Variants in SPATA13 observed in about 807,000 individuals in gnomAD.
SPATA13 encodes the protein spermatogenesis associated 13.
Under a neutral mutation model 104.0 loss-of-function variants are expected in SPATA13, and 50 were observed. The ratio of observed to expected loss-of-function variants is 0.48; its 90% confidence interval spans 0.38 to 0.61. The LOEUF (loss-of-function observed/expected upper bound fraction) is 0.61. SPATA13 is among the 20% of genes least tolerant of loss of function. The pLI, the probability that SPATA13 is intolerant of heterozygous loss-of-function variation, is 0.00. For missense variants in SPATA13, 1,524 were observed against 1,690.6 expected, an observed-to-expected ratio of 0.90 and a Z score of 1.73; for synonymous variants, 606 against 667.5, an observed-to-expected ratio of 0.91 and a Z score of 1.42.
chr13:24,126,422 G>C (rs1231942288), intron 3 of SPATA13, among the ~76,000 whole-genome samples: 3 of 152,194 alleles, frequency 2.0e-5, no homozygotes, highest in African/African-American at 7.2e-5. Context: ...GTAGATGTTG[G>C]ACTTGGGTAA....
chr13:23,999,082 T>C (rs540082450), intron 2 of SPATA13, among the ~76,000 whole-genome samples: 3 of 151,982 alleles, frequency 2.0e-5, no homozygotes, highest in South Asian at 4.1e-4. Context: ...CATGCCACCA[T>C]TTCAGGCTAA....
intron 3 of SPATA13, among the ~76,000 whole-genome samples, chr13:24,069,984 C>G (rs79022616): frequency 1.3e-5 from 2 of 152,134 alleles, no homozygotes; most frequent in East Asian, 3.9e-4. Context: ...TGTGGGAGTG[C>G]GGTAGAGGGG....
chr13:24,069,628 C>T (rs1050916556), intron 3 of SPATA13, among the ~76,000 whole-genome samples: 4 of 152,150 alleles, frequency 2.6e-5, no homozygotes, highest in Admixed American at 1.3e-4. Flanking sequence ...TGCCCGATTG[C>T]CCTGGCCAGG....
chr13:24,192,105 A>C (rs1179407228), intron 1 of SPATA13, among the ~76,000 whole-genome samples: 2 of 152,028 alleles, frequency 1.3e-5, no homozygotes. Context: ...CTGTGGCTCC[A>C]CCCTGGTTCC....
At chr13:24,113,392 C>T (rs978521663) in intron 3 of SPATA13, among the ~76,000 whole-genome samples, 3 of 151,844 alleles carry the variant, frequency 2.0e-5, no homozygotes, top group African/African-American at 7.3e-5. Context: ...CACTTGAGGT[C>T]AGGAGTTCAA....
In SPATA13 at chr13:24,302,854, A is replaced by T; in HGVS notation, c.*81A>T. 6.3e-7 allele frequency: 1 copy of T among 1,579,020 alleles called. No individual in the cohort carries two copies. The highest frequency in any genetic ancestry group is 8.7e-7 in the Non-Finnish European group (1 of 1,153,832). On this transcript the variant is annotated 3_prime_UTR_variant, in exon 13 of 13. Transcript: ENST00000382108. ...TTCTTGTGTGCTTCAATCCAGGGAA[A>T]GTTTCTTGGACCCAGTGATAAAAAC...
chr13:24,249,919 C>A, intron 3 of SPATA13, 77 bp downstream of exon 3: 1 of 1,503,544 alleles, frequency 6.7e-7, no homozygotes, highest in Non-Finnish European at 8.9e-7. Context: ...GCACACTAAA[C>A]TGGATCTGCT....
chr13:24,040,095 T>A (rs1877859747), intron 3 of SPATA13, among the ~76,000 whole-genome samples: 1 of 152,184 alleles, frequency 6.6e-6, no homozygotes, highest in South Asian at 2.1e-4. Flanking sequence ...CTCTAAAACT[T>A]CCACTAAAGG....
chr13:24,235,049 A>G, intron 2 of SPATA13, among the ~76,000 whole-genome samples: 1 of 152,372 alleles, frequency 6.6e-6, no homozygotes, highest in South Asian at 2.1e-4. Context: ...GAACATGGTA[A>G]ATCGGGTTAA....
intron 1 of SPATA13, among the ~76,000 whole-genome samples, chr13:24,200,250 G>T (rs988125024): frequency 6.6e-6 from 1 of 152,144 alleles, no homozygotes; most frequent in South Asian, 2.1e-4. Flanking sequence ...CCTGGGTGGC[G>T]CAGAAGGATT....
chr13:24,178,863 A>G (rs550529952), intron 1 of SPATA13, among the ~76,000 whole-genome samples: 1 of 152,306 alleles, frequency 6.6e-6, no homozygotes, highest in African/African-American at 2.4e-5. Context: ...GCACTCATCA[A>G]TTACCATAGT....
At chr13:24,233,886 A>AACACACACAC (rs10571334) in intron 2 of SPATA13, among the ~76,000 whole-genome samples, 59 of 147,558 alleles carry the variant, frequency 4.0e-4, no homozygotes, top group Non-Finnish European at 5.1e-4. Context: ...TATACACTTA[A>AACACACACAC]ACACACACAC....
chr13:24,269,276 CT>C (rs1375570576), intron 4 of SPATA13, among the ~76,000 whole-genome samples: 1 of 152,196 alleles, frequency 6.6e-6, no homozygotes, highest in African/African-American at 2.4e-5. Context: ...GGGAAAGCAG[CT>C]TTTGAACACA....
At chr13:24,030,504 T>C (rs1877431225) in intron 3 of SPATA13, among the ~76,000 whole-genome samples, 1 of 152,144 alleles carries the variant, frequency 6.6e-6, no homozygotes, top group African/African-American at 2.4e-5. Context: ...TGCTCTCTGG[T>C]TCTTCTTTTC....
chr13:24,247,279 G>C (rs1350335804), intron 2 of SPATA13, among the ~76,000 whole-genome samples: 1 of 152,136 alleles, frequency 6.6e-6, no homozygotes, highest in Non-Finnish European at 1.5e-5. Context: ...TTTGAGCAGA[G>C]GTGACGTGGC....
In SPATA13 at chr13:24,249,457, G is replaced by T; in HGVS notation, c.1654-20G>T. 1 of 1,524,210 alleles carries T rather than the reference G, an allele frequency of 6.6e-7. No homozygotes were observed. Among genetic ancestry groups the T allele is most frequent in the South Asian group, 1.2e-5 (1 of 80,230 alleles). The allele number at this position is 1,524,210 out of a possible 1,614,324, so 94.4% of individuals were successfully genotyped here. A position where few individuals can be genotyped will look rare whatever the true frequency, so the allele number is the denominator to read the frequency against. On this transcript the variant is annotated intron_variant, in intron 2 of 12. Transcript: ENST00000382108. ...ACCTTCCTGGATATTGAGCTCACCT[G>T]ACCTGTTCGCATTTGAAAGGTCGTC...
In SPATA13 at chr13:24,107,656, C is replaced by T. The variant is rs536174704; in HGVS notation, c.-112+89955C>T. Among the ~76,000 whole-genome samples the T allele has an allele frequency of 2.2e-4, 34 of 152,294 alleles. No individual in the cohort carries two copies. In the East Asian group the frequency reaches 3.5e-3, roughly 16 times the overall value. The stretch of plus-strand genomic sequence containing the variant: ...AGGAAATAGAACAGCCCAATGACAG[C>T]GCCTACGTCAGCTTTTCTTCCCTGC... On this transcript the variant is annotated intron_variant, in intron 3 of 14. Coordinates refer to the SPATA13 transcript ENST00000424834.
chr13:24,268,465 A>G (rs1874394803), intron 4 of SPATA13, among the ~76,000 whole-genome samples: 1 of 152,218 alleles, frequency 6.6e-6, no homozygotes, highest in African/African-American at 2.4e-5. Context: ...ATCTTTTTAA[A>G]TTCCTGTAAG....
intron 9 of SPATA13, among the ~76,000 whole-genome samples, chr13:24,291,760 T>TTTATTTTTTATTTTTTATTTTTTA (rs926321119): frequency 3.4e-5 from 5 of 148,440 alleles, no homozygotes; most frequent in African/African-American, 1.2e-4. Flanking sequence ...TTTTTTATTT[T>TTTATTTTTTATTTTTTATTTTTTA]TTTTTTTGAG....
Sources: allele counts gnomAD v4.1 joint callset (sites outside exome capture counted in the v4.1 genomes callset), GRCh38; gene constraint gnomAD v4.1.1; transcripts MANE v1.5; gene names NCBI Gene and HGNC (gene_info 2026-07-23, HGNC 2026-07-21).